Variants in PFKFB2 observed in about 807,000 individuals in gnomAD.
The protein encoded by PFKFB2 is 6-phosphofructo-2-kinase/fructose-2,6-bisphosphatase 2.
PFKFB2 carries 53 observed loss-of-function variants against 68.0 expected under a neutral mutation model. That is an observed-to-expected ratio of 0.78 (90% CI 0.63 to 0.98). The LOEUF (loss-of-function observed/expected upper bound fraction) is 0.98. Among genes scored for constraint, PFKFB2 ranks in the 50% least tolerant of loss-of-function variants. The probability of loss-of-function intolerance (pLI) is 0.00; values close to 1 mark genes in which losing one functional copy is unlikely to be tolerated. For synonymous variants in PFKFB2, 222 were observed against 227.6 expected, an observed-to-expected ratio of 0.98 and a Z score of 0.22; for missense variants, 451 against 642.0, an observed-to-expected ratio of 0.70 and a Z score of 3.22.
intron 2 of PFKFB2, among the ~76,000 whole-genome samples, chr1:207,061,187 A>C (rs56261002): frequency 5.9e-5 from 4 of 67,592 alleles, no homozygotes; most frequent in East Asian, 3.3e-4. Context: ...ATATATATAT[A>C]TATATATATA....
chr1:207,042,066 C>T (rs1396993817), intron 1 of PFKFB2: 1 of 152,108 alleles, frequency 6.6e-6, no homozygotes, highest in Non-Finnish European at 1.5e-5. Flanking sequence ...GAGTTCTTTC[C>T]TCTAGGGCCT....
At chr1:207,054,443 T>C (rs934949403) in intron 1 of PFKFB2, among the ~76,000 whole-genome samples, 1 of 152,202 alleles carries the variant, frequency 6.6e-6, no homozygotes, top group African/African-American at 2.4e-5. Flanking sequence ...AGATTATTGT[T>C]AGGACTGAAG....
rs187310574 is a variant in PFKFB2, at chr1:207,040,462, G to A, written c.-61-1707G>A. On this transcript the variant is annotated intron_variant, in intron 1 of 5. Transcript: ENST00000545806. ...GGTCAGAAGGGCAGAGAAGTTAAAA[G>A]AGTGGCAGCTACTAAAGCAAAGAGA... Among the ~76,000 whole-genome samples, 434 of 152,338 alleles carry A rather than the reference G, an allele frequency of 2.8e-3. 1 individual carries two copies. Among genetic ancestry groups the A allele is most frequent in the Non-Finnish European group, 4.3e-3 (291 of 68,024 alleles).
intron 1 of PFKFB2, among the ~76,000 whole-genome samples, chr1:207,037,634 TC>T: frequency 6.6e-6 from 1 of 152,146 alleles, no homozygotes; most frequent in East Asian, 1.9e-4. Flanking sequence ...TCCAAATACT[TC>T]CCCCCTTCAT....
chr1:207,048,244 C>A (rs1682644926), intron 2 of PFKFB2: 1 of 152,602 alleles, frequency 6.6e-6, no homozygotes, highest in Non-Finnish European at 1.5e-5. Flanking sequence ...GCTGCTCAGG[C>A]ACCTATTCCC....
intron 11 of PFKFB2, among the ~76,000 whole-genome samples, chr1:207,069,816 G>C (rs1045862062): frequency 1.3e-5 from 2 of 152,094 alleles, no homozygotes; most frequent in Non-Finnish European, 2.9e-5. Context: ...CCCCACATAA[G>C]TAAGTGGAGT....
upstream of PFKFB2, chr1:207,049,746 C>T (rs761162694): frequency 2.5e-6 from 4 of 1,582,596 alleles, no homozygotes; most frequent in African/African-American, 1.4e-5. Flanking sequence ...AAACAAATCC[C>T]GATCTGCAAA....
chr1:207,074,440 A>T lies in PFKFB2; in HGVS notation c.*2069A>T. On this transcript the variant is annotated 3_prime_UTR_variant, in exon 15 of 15. Transcript: ENST00000367080. ...AATTAAATAATTGTCTCTAGAGAGC[A>T]GCTGGGGATTTTAAGCACCCTGGAG... 1 of 985,438 alleles carries T rather than the reference A, an allele frequency of 1.0e-6. No homozygotes were observed. Among genetic ancestry groups the T allele is most frequent in the Non-Finnish European group, 1.2e-6 (1 of 829,936 alleles). 61.0% of individuals were successfully genotyped at this position (985,438 alleles called of 1,614,324 possible). A position where few individuals can be genotyped will look rare whatever the true frequency, so the allele number is the denominator to read the frequency against.
chr1:207,077,207 C>G lies in PFKFB2; in HGVS notation c.*4836C>G. 2 of 985,382 alleles carry G rather than the reference C, an allele frequency of 2.0e-6. No individual in the cohort carries two copies. Among genetic ancestry groups the G allele is most frequent in the Non-Finnish European group, 2.4e-6 (2 of 829,910 alleles). The allele number at this position is 985,382 out of a possible 1,614,324, so 61.0% of individuals were successfully genotyped here. ...GTTCATTTCTGAAGCTTCTGTGTCC[C>G]CAGCTTACCCTGTTCTGAAATGTTG... On this transcript the variant is annotated 3_prime_UTR_variant, in exon 15 of 15. Transcript: ENST00000367080.
chr1:207,041,946 A>T (rs555190205), intron 1 of PFKFB2, among the ~76,000 whole-genome samples: 1 of 152,210 alleles, frequency 6.6e-6, no homozygotes, highest in Non-Finnish European at 1.5e-5. Flanking sequence ...ACTATTTCTC[A>T]TGCAAAAGAC....
At chr1:207,079,192 G>C (rs1683704690), downstream of PFKFB2, 1 of 632,758 alleles carries the variant, frequency 1.6e-6, no homozygotes, top group East Asian at 2.6e-5. Flanking sequence ...TGCCTAATGG[G>C]AATATCAGTT....
At chr1:207,035,085 G>A in intron 1 of PFKFB2, 3 of 822,800 alleles carry the variant, frequency 3.6e-6, no homozygotes, top group Non-Finnish European at 4.4e-6. Context: ...GAGGGGGTAT[G>A]TGTGTCATTG....
chr1:207,050,977 G>T (rs563387440), upstream of PFKFB2: 247 of 1,539,722 alleles, frequency 1.6e-4, 2 homozygotes, highest in East Asian at 2.7e-3. Context: ...CGCCGCCGGG[G>T]AAACCAGGCG....
Position 207,075,589 on chromosome 1 carries a change from G to A in PFKFB2, c.*3218G>A, listed in dbSNP as rs1683598697. 3 of 985,404 alleles carry A rather than the reference G, an allele frequency of 3.0e-6. No individual in the cohort carries two copies. The highest frequency in any genetic ancestry group is 3.6e-6 in the Non-Finnish European group (3 of 829,912). The allele number at this position is 985,404 out of a possible 1,614,324, so 61.0% of individuals were successfully genotyped here. A position where few individuals can be genotyped will look rare whatever the true frequency, so the allele number is the denominator to read the frequency against. On this transcript the variant is annotated 3_prime_UTR_variant, in exon 15 of 15. Transcript: ENST00000367080. The stretch of plus-strand genomic sequence containing the variant: ...AAAGTACTCTCTGCTGAGGCTGTAA[G>A]TTTTGTTTTGTGAGAAATAGGTAAA...
intron 2 of PFKFB2, among the ~76,000 whole-genome samples, chr1:207,059,837 G>A (rs1443246037): frequency 6.6e-6 from 1 of 152,164 alleles, no homozygotes; most frequent in Non-Finnish European, 1.5e-5. Flanking sequence ...AAAAATGAAA[G>A]TCATATTTCC....
At chr1:207,061,604 C>T (rs564007765) in intron 2 of PFKFB2, among the ~76,000 whole-genome samples, 24 of 152,246 alleles carry the variant, frequency 1.6e-4, no homozygotes, top group African/African-American at 3.9e-4. Context: ...TAGACCCCAG[C>T]GGGGCTGGGC....
chr1:207,036,142 C>T (rs950512630), intron 1 of PFKFB2, among the ~76,000 whole-genome samples: 3 of 152,122 alleles, frequency 2.0e-5, no homozygotes, highest in Admixed American at 2.0e-4. Context: ...CCACTAGGTC[C>T]ACCTCCAACT....
intron 1 of PFKFB2, among the ~76,000 whole-genome samples, chr1:207,053,943 C>T (rs1682836548): frequency 7.9e-6 from 1 of 126,902 alleles, no homozygotes; most frequent in African/African-American, 3.1e-5. Flanking sequence ...CTCGCTCTGT[C>T]GCTAGGCTGG....
downstream of PFKFB2, chr1:207,078,901 C>T (rs900983271): frequency 6.6e-5 from 96 of 1,456,584 alleles, no homozygotes; most frequent in Middle Eastern, 3.4e-4. Flanking sequence ...CTTTTATGTT[C>T]GCTGCTTGGC....
Sources: allele counts gnomAD v4.1 joint callset (sites outside exome capture counted in the v4.1 genomes callset), GRCh38; gene constraint gnomAD v4.1.1; transcripts MANE v1.5; gene names NCBI Gene and HGNC (gene_info 2026-07-23, HGNC 2026-07-21).